DNAH14: variants seen among roughly 807,000 people sequenced by gnomAD.
DNAH14 encodes axonemal beta dynein heavy chain 14.
Under a neutral mutation model 520.9 loss-of-function variants are expected in DNAH14, and 478 were observed. The ratio of observed to expected loss-of-function variants is 0.92; its 90% CI spans 0.85 to 0.99. The LOEUF is 0.99. Ranked by LOEUF, DNAH14 falls within the 50% of genes least tolerant of loss-of-function variation. The probability of loss-of-function intolerance (pLI) is 0.00; values close to 1 mark genes in which losing one functional copy is unlikely to be tolerated. For synonymous variants in DNAH14, 1,581 were observed against 1,757.2 expected (o/e 0.90, Z 2.51); for missense variants, 4,831 against 5,234.5 (o/e 0.92, Z 2.38).
At chr1:225,015,026 T>G (rs901874462) in intron 10 of DNAH14, among the ~76,000 whole-genome samples, 2 of 152,342 alleles carry the variant, frequency 1.3e-5, no homozygotes, top group Middle Eastern at 3.4e-3. Flanking sequence ...CTTGCTGAAC[T>G]GATTCCTTTA....
At chr1:225,094,331 A>C (rs2074684192) in intron 21 of DNAH14, among the ~76,000 whole-genome samples, 1 of 152,166 alleles carries the variant, frequency 6.6e-6, no homozygotes, top group African/African-American at 2.4e-5. Flanking sequence ...CCGCATACCT[A>C]CGACCATCTG....
At position 225,095,347 on chromosome 1, in the gene DNAH14, A is replaced by G. The variant is rs143112817; in HGVS notation, c.3574-1771A>G. Among the ~76,000 whole-genome samples, 39 of 152,304 alleles carry G rather than the reference A, an allele frequency of 2.6e-4. No individual in the cohort carries two copies. The East Asian group carries it at 7.5e-3, about 29-fold the overall frequency. Reference sequence around the variant, plus strand: ...AGAAGAATGAGATCATGTTCTTTGTAGCATCTTGGATGGAGATGGAGGTCA... The same window carrying G: ...AGAAGAATGAGATCATGTTCTTTGTGGCATCTTGGATGGAGATGGAGGTCA... On this transcript the variant is annotated intron_variant, in intron 21 of 85. Transcript: ENST00000682510.
At position 225,327,312 on chromosome 1, in the gene DNAH14, C is replaced by T. The variant is rs190725222; in HGVS notation, c.9723+2480C>T. Reference sequence around the variant, plus strand: ...AGCTGGGACTACAGGCACCCACCACCACGCCCGGCTAATTTATTTTTTTTA... The same window carrying T: ...AGCTGGGACTACAGGCACCCACCACTACGCCCGGCTAATTTATTTTTTTTA... On this transcript the variant is annotated intron_variant, in intron 64 of 85. Coordinates refer to ENST00000682510, the MANE Select transcript of DNAH14 (RefSeq NM_001367479.1). Among the ~76,000 whole-genome samples, 637 of 152,150 alleles carry T rather than the reference C, an allele frequency of 4.2e-3. 3 individuals are homozygous for T. Among genetic ancestry groups the T allele is most frequent in the African/African-American group, 0.015 (603 of 41,508 alleles).
intron 69 of DNAH14, among the ~76,000 whole-genome samples, chr1:225,345,615 A>C (rs1442722780): frequency 1.3e-5 from 2 of 152,188 alleles, no homozygotes; most frequent in Non-Finnish European, 2.9e-5. Context: ...ATTTTTTGAA[A>C]ATTGATTTTA....
intron 22 of DNAH14, among the ~76,000 whole-genome samples, chr1:225,098,080 C>T (rs1212273348): frequency 6.6e-6 from 1 of 152,034 alleles, no homozygotes; most frequent in African/African-American, 2.4e-5. Context: ...GTGGTCCCAC[C>T]CAGCTACTTG....
chr1:225,319,581 G>A (rs1424440711), intron 61 of DNAH14, among the ~76,000 whole-genome samples: 4 of 152,038 alleles, frequency 2.6e-5, no homozygotes, highest in Admixed American at 6.6e-5. Context: ...GTTAATGCCC[G>A]TGAAACTGAA....
chr1:225,208,385 C>T (rs1057271856), intron 41 of DNAH14, among the ~76,000 whole-genome samples: 9 of 152,184 alleles, frequency 5.9e-5, no homozygotes, highest in Admixed American at 4.6e-4. Context: ...GATTGGTTAG[C>T]TGTATAACAG....
chr1:225,155,952 A>G (rs74450733), intron 34 of DNAH14, among the ~76,000 whole-genome samples: 1 of 152,226 alleles, frequency 6.6e-6, no homozygotes, highest in East Asian at 1.9e-4. Context: ...AATATTAGAC[A>G]ATTTTGCTTT....
chr1:224,953,491 A>G (rs1470308738), intron 2 of DNAH14, among the ~76,000 whole-genome samples: 1 of 152,208 alleles, frequency 6.6e-6, no homozygotes, highest in African/African-American at 2.4e-5. Flanking sequence ...AGGGCCAAGA[A>G]TATGTAAAAC....
At chr1:225,041,116 A>G (rs2067439045) in intron 12 of DNAH14, among the ~76,000 whole-genome samples, 1 of 152,240 alleles carries the variant, frequency 6.6e-6, no homozygotes, top group Non-Finnish European at 1.5e-5. Context: ...GCAGACTGCC[A>G]CTAAGGTGGC....
chr1:225,049,153 A>G (rs2068257257), intron 15 of DNAH14, among the ~76,000 whole-genome samples: 2 of 132,328 alleles, frequency 1.5e-5, no homozygotes, highest in African/African-American at 2.9e-5. Context: ...TCCACCTCCC[A>G]GGTTCAAGCA....
At chr1:225,383,098 G>A (rs2095800404) in intron 81 of DNAH14, among the ~76,000 whole-genome samples, 1 of 152,258 alleles carries the variant, frequency 6.6e-6, no homozygotes, top group Admixed American at 6.5e-5. Context: ...TCATGAAAAC[G>A]TTCTACAATT....
At position 224,979,358 on chromosome 1, in the gene DNAH14, T is replaced by C. The variant is rs997315193; in HGVS notation, c.830+5205T>C. Reference sequence around the variant, plus strand: ...GTGCAGTGCTTGTGGGACTGTTCATTGAACTCAGTGCTGCCCTGTCACAGC... The same window carrying C: ...GTGCAGTGCTTGTGGGACTGTTCATCGAACTCAGTGCTGCCCTGTCACAGC... On this transcript the variant is annotated intron_variant, in intron 8 of 85. Coordinates refer to ENST00000682510, the MANE Select transcript of DNAH14 (RefSeq NM_001367479.1). Among the ~76,000 whole-genome samples, 9 of 152,224 alleles carry C rather than the reference T, an allele frequency of 5.9e-5. 1 individual carries two copies. The highest frequency in any genetic ancestry group is 6.8e-3 in the Middle Eastern group (2 of 294).
Position 224,967,722 on chromosome 1 carries a change from C to G in DNAH14, c.651+139C>G, listed in dbSNP as rs190977826. 1.9e-6 allele frequency: 3 copies of G among 1,568,860 alleles called. No homozygotes were observed. The East Asian group carries it at 7.0e-5, about 37-fold the overall frequency. On this transcript the variant is annotated intron_variant, in intron 6 of 85. Coordinates refer to ENST00000682510, the MANE Select transcript of DNAH14 (RefSeq NM_001367479.1). The stretch of plus-strand genomic sequence containing the variant: ...TGGAGCAGTTTATATATAAGAATCT[C>G]CTTGGGAGCATGTTATTTAATAGTG...
chr1:224,936,716 C>G (rs998124952), intron 1 of DNAH14, among the ~76,000 whole-genome samples: 1 of 151,824 alleles, frequency 6.6e-6, no homozygotes, highest in East Asian at 1.9e-4. Context: ...CAACCTCATC[C>G]TACAAGGCTG....
chr1:225,011,207 A>G (rs2064706738), intron 10 of DNAH14, among the ~76,000 whole-genome samples: 1 of 152,006 alleles, frequency 6.6e-6, no homozygotes, highest in South Asian at 2.1e-4. Flanking sequence ...TCGATTTTAG[A>G]TCTTTCCCAC....
At chr1:225,343,931 C>T (rs2095243244) in intron 69 of DNAH14, among the ~76,000 whole-genome samples, 2 of 152,114 alleles carry the variant, frequency 1.3e-5, no homozygotes. Flanking sequence ...TATAACAAGT[C>T]ATATTTTGCT....
At chr1:225,254,479 A>G (rs997985833) in intron 44 of DNAH14, among the ~76,000 whole-genome samples, 1 of 152,212 alleles carries the variant, frequency 6.6e-6, no homozygotes, top group African/African-American at 2.4e-5. Context: ...TAGCTGTGAT[A>G]TCTGGGAGAC....
At position 225,174,733 on chromosome 1, in the gene DNAH14, G is replaced by A. The variant is rs149970909; in HGVS notation, c.5535+6705G>A. ...TATTGAGGAAATGTGGTGAAAGTGA[G>A]CATCTTCATCTTGTCCCAGATCTTA... is the stretch of plus-strand genomic sequence containing the variant. On this transcript the variant is annotated intron_variant, in intron 36 of 85. Transcript: ENST00000682510. 1.5e-4 allele frequency among the ~76,000 whole-genome samples: 23 copies of A among 152,278 alleles called. No homozygotes were observed. In the East Asian group the frequency reaches 3.9e-3, roughly 26 times the overall value.
Sources: gnomAD v4.1 joint callset for allele counts (sites outside exome capture counted in the v4.1 genomes callset) on GRCh38, gnomAD v4.1.1 for gene constraint, MANE v1.5 for transcripts, NCBI Gene and HGNC (gene_info 2026-07-23, HGNC 2026-07-21) for gene names.